The following MYO5B variants were observed in gnomAD, a reference collection of about 807,000 sequenced individuals.
MYO5B encodes the protein myosin VB, also known as unconventional myosin-Vb.
A neutral mutation model predicts 229.3 loss-of-function variants in MYO5B; 143 were observed. That is an observed-to-expected ratio of 0.62 (90% CI 0.54 to 0.72). The LOEUF is 0.72. Among genes scored for constraint, MYO5B ranks in the 30% least tolerant of loss-of-function variants. The pLI is 0.00. For synonymous variants in MYO5B, 918 were observed against 885.2 expected (o/e 1.04, Z -0.66); for missense variants, 2,321 against 2,331.0 (o/e 1.00, Z 0.09).
rs146408267 is a variant in MYO5B at position 50,070,534 on chromosome 18, C to T, written c.28-15156G>A. Reference sequence around the variant, plus strand: ...TCTAGTAGGTAGAGCTCAGGGATGCCGCTATAACAACATACCACAACACGC... The same window carrying T: ...TCTAGTAGGTAGAGCTCAGGGATGCTGCTATAACAACATACCACAACACGC... On this transcript the variant is annotated intron_variant, in intron 1 of 39. Transcript: ENST00000285039. Among the ~76,000 whole-genome samples, 21 of 151,828 alleles carry T rather than the reference C, an allele frequency of 1.4e-4. No individual in the cohort carries two copies. The South Asian group carries it at 2.9e-3, about 21-fold the overall frequency.
chr18:50,022,275 C>T (rs1038759605), intron 4 of MYO5B, among the ~76,000 whole-genome samples: 3 of 152,300 alleles, frequency 2.0e-5, no homozygotes, highest in Non-Finnish European at 4.4e-5. Flanking sequence ...TATAACTCCG[C>T]TGTGATTCCA....
intron 1 of MYO5B, among the ~76,000 whole-genome samples, chr18:50,089,298 A>C (rs991878560): frequency 6.6e-6 from 1 of 152,142 alleles, no homozygotes; most frequent in Non-Finnish European, 1.5e-5. Context: ...GAATTGCTTG[A>C]ACCCAGAAGG....
At chr18:49,848,589 A>G (rs1233832940) in intron 32 of MYO5B, among the ~76,000 whole-genome samples, 1 of 135,794 alleles carries the variant, frequency 7.4e-6, no homozygotes, top group African/African-American at 2.7e-5. Context: ...AAGGCCAGAC[A>G]GTGCTGTGAA....
chr18:49,995,296 C>T (rs183172206), intron 5 of MYO5B, among the ~76,000 whole-genome samples: 27 of 150,372 alleles, frequency 1.8e-4, no homozygotes, highest in African/African-American at 5.9e-4. Flanking sequence ...GCTCAGTCTC[C>T]CAGGCTAGAG....
At chr18:50,025,734 C>T (rs1304434760) in intron 4 of MYO5B, among the ~76,000 whole-genome samples, 1 of 152,220 alleles carries the variant, frequency 6.6e-6, no homozygotes, top group African/African-American at 2.4e-5. Flanking sequence ...CACCTTCTCT[C>T]ATCTTCACCC....
Position 49,963,412 on chromosome 18 carries a change from A to AT in MYO5B, c.1323-383dup, listed in dbSNP as rs1288785075. On this transcript the variant is annotated intron_variant, in intron 10 of 39. Transcript: ENST00000285039. ...TTTACTTATTTAATTTAATTAATTA[A>AT]TTAATTTATTTATTTATTTATTTAT... Among the ~76,000 whole-genome samples, 951 of 149,690 alleles carry AT rather than the reference A, an allele frequency of 6.4e-3. 8 individuals carry two copies. The highest frequency in any genetic ancestry group is 0.022 in the African/African-American group (863 of 39,740).
rs772554828 is a variant in MYO5B, at chr18:49,974,603, A to G, written c.1069T>C (p.Tyr357His). ...DSCSISPQDV[Y>H]LSNFCRLLGV... ...AGCAGTCGGCAGAAGTTGCTTAGGT[A>G]TACATCCTGGGGCTGTGGGAGATGG... The change falls in exon 10 of 40, where the codon TAC becomes CAC. Residue 357 changes from tyrosine (Y) to histidine (H), a missense_variant. Coordinates refer to ENST00000285039, the MANE Select transcript of MYO5B (RefSeq NM_001080467.3). The G allele has an allele frequency of 1.9e-6, 3 of 1,613,762 alleles. No homozygotes were observed. The highest frequency in any genetic ancestry group is 2.5e-6 in the Non-Finnish European group (3 of 1,179,912).
chr18:49,943,911 T>C (rs1292633387), intron 14 of MYO5B, among the ~76,000 whole-genome samples: 9 of 152,074 alleles, frequency 5.9e-5, no homozygotes, highest in Non-Finnish European at 2.9e-5. Context: ...GTCTGAACTG[T>C]AGGACATTGG....
rs2024762192 is a variant in MYO5B, at chr18:49,895,043, C to A, written c.2943G>T (p.Leu981=). The change falls in exon 22 of 40, where the codon CTG becomes CTT. Residue 981 remains leucine, a synonymous_variant. Coordinates refer to ENST00000285039, the MANE Select transcript of MYO5B (RefSeq NM_001080467.3). ...TGCGCAGGCTCTCCACCTCCTCCTG[C>A]AGCCTGAGGCTGGTGTCCTCACCTG... The part of the protein sequence containing the change: ...QSPGEDTSLR[L]QEEVESLRTE... 2 of 1,614,002 alleles carry A rather than the reference C, an allele frequency of 1.2e-6. No homozygotes were observed. The highest frequency in any genetic ancestry group is 2.7e-5 in the African/African-American group (2 of 74,946).
intron 1 of MYO5B, among the ~76,000 whole-genome samples, chr18:50,112,240 G>C (rs2031877464): frequency 6.6e-6 from 1 of 152,170 alleles, no homozygotes; most frequent in Non-Finnish European, 1.5e-5. Flanking sequence ...CCCCACTCCT[G>C]AGAGATCTGG....
chr18:50,130,625 C>T (rs2032240762), intron 1 of MYO5B, among the ~76,000 whole-genome samples: 1 of 152,170 alleles, frequency 6.6e-6, no homozygotes, highest in Non-Finnish European at 1.5e-5. Flanking sequence ...TAAAAGCACC[C>T]TCCGTGGATT....
chr18:50,129,501 C>G (rs1485563326), intron 1 of MYO5B, among the ~76,000 whole-genome samples: 1 of 152,170 alleles, frequency 6.6e-6, no homozygotes, highest in Non-Finnish European at 1.5e-5. Context: ...GCAAATGATC[C>G]ACGAGCTAAT....
chr18:49,955,964 A>T (rs1808350663), intron 12 of MYO5B, among the ~76,000 whole-genome samples: 1 of 152,228 alleles, frequency 6.6e-6, no homozygotes, highest in African/African-American at 2.4e-5. Flanking sequence ...AAACACGTAA[A>T]ATTGGCTAGG....
intron 8 of MYO5B, among the ~76,000 whole-genome samples, chr18:49,982,239 T>C (rs1051154984): frequency 1.3e-5 from 2 of 152,064 alleles, no homozygotes; most frequent in African/African-American, 4.8e-5. Context: ...AGCTAATTTG[T>C]TTTATTTTTT....
At chr18:50,066,189 C>T (rs2852098) in intron 1 of MYO5B, among the ~76,000 whole-genome samples, 148,606 of 152,326 alleles carry the variant, frequency 0.98, 72,597 homozygotes, top group East Asian at 1. Flanking sequence ...TTATTATCAG[C>T]AAGATAGTTC....
intron 2 of MYO5B, among the ~76,000 whole-genome samples, chr18:50,046,167 C>T (rs2030219339): frequency 6.6e-6 from 1 of 152,310 alleles, no homozygotes; most frequent in South Asian, 2.1e-4. Context: ...AGGTGGAAAT[C>T]GCACCGAATA....
At chr18:50,008,607 A>C (rs939346560) in intron 4 of MYO5B, among the ~76,000 whole-genome samples, 1 of 152,146 alleles carries the variant, frequency 6.6e-6, no homozygotes, top group African/African-American at 2.4e-5. Context: ...CCTGAATTGG[A>C]AACTCCCTGA....
At chr18:50,056,073 C>G (rs556602256) in intron 1 of MYO5B, among the ~76,000 whole-genome samples, 5 of 152,138 alleles carry the variant, frequency 3.3e-5, no homozygotes, top group African/African-American at 9.7e-5. Flanking sequence ...CTATGCCAGG[C>G]CTATTTGTCC....
intron 1 of MYO5B, among the ~76,000 whole-genome samples, chr18:50,173,971 T>C (rs1160258630): frequency 1.3e-5 from 2 of 152,126 alleles, no homozygotes; most frequent in African/African-American, 2.4e-5. Flanking sequence ...CTGGAAGAGA[T>C]TGGCATTGGA....
Sources: allele counts gnomAD v4.1 joint callset (sites outside exome capture counted in the v4.1 genomes callset), GRCh38; gene constraint gnomAD v4.1.1; transcripts MANE v1.5; gene names NCBI Gene and HGNC (gene_info 2026-07-23, HGNC 2026-07-21).